Variants in ZNF786 observed in about 807,000 individuals in gnomAD.
The protein encoded by ZNF786 is zinc finger protein 786.
A neutral mutation model predicts 63.1 loss-of-function variants in ZNF786; 56 were observed. That is an observed-to-expected ratio of 0.89 (90% CI 0.72 to 1.11). The LOEUF (loss-of-function observed/expected upper bound fraction) is 1.11. ZNF786 is among the 50% of genes least tolerant of loss of function. The pLI is 0.00. For missense variants in ZNF786, 1,213 were observed against 1,041.8 expected (o/e 1.16, Z -2.26); for synonymous variants, 485 against 406.9 (o/e 1.19, Z -2.31).
intron 1 of ZNF786, among the ~76,000 whole-genome samples, chr7:149,084,491 T>C (rs545632916): frequency 6.6e-6 from 1 of 152,176 alleles, no homozygotes; most frequent in Non-Finnish European, 1.5e-5. Flanking sequence ...ACCTTGTTTT[T>C]AACTTTTTAA....
At chr7:149,087,322 T>G (rs959695854) in intron 1 of ZNF786, among the ~76,000 whole-genome samples, 10 of 152,208 alleles carry the variant, frequency 6.6e-5, no homozygotes, top group African/African-American at 2.4e-4. Context: ...ATTACAAAAT[T>G]TTGCATTTGC....
At position 149,074,488 on chromosome 7, in the gene ZNF786, C is replaced by T; in HGVS notation, c.196G>A (p.Glu66Lys). ...ELISWIEHGG[E>K]PFRKWRESQK... Reference sequence around the variant, plus strand: ...GATTCTCTCCATTTCCTGAAGGGCTCTCCCCCGTGTTCAATCCAGGATATT... The same window carrying T: ...GATTCTCTCCATTTCCTGAAGGGCTTTCCCCCGTGTTCAATCCAGGATATT... Residue 66 changes from glutamate to lysine, a missense_variant, in exon 3 of 4, where the codon GAG becomes AAG. Coordinates refer to ENST00000491431, the MANE Select transcript of ZNF786 (RefSeq NM_152411.4). The T allele has an allele frequency of 1.2e-6, 2 of 1,613,910 alleles. No individual in the cohort carries two copies. The highest frequency in any genetic ancestry group is 1.7e-6 in the Non-Finnish European group (2 of 1,179,870).
chr7:149,080,871 A>G (rs1387957783), intron 1 of ZNF786, among the ~76,000 whole-genome samples, 154 bp from the exon 2 acceptor site: 1 of 152,154 alleles, frequency 6.6e-6, no homozygotes, highest in Non-Finnish European at 1.5e-5. Context: ...CTCTACTCCA[A>G]TTACATCGTT....
At chr7:149,087,139 A>G (rs1001007104) in intron 1 of ZNF786, among the ~76,000 whole-genome samples, 1 of 152,198 alleles carries the variant, frequency 6.6e-6, no homozygotes, top group Non-Finnish European at 1.5e-5. Flanking sequence ...CACTGTGCCC[A>G]GCCGCAAATC....
intron 2 of ZNF786, among the ~76,000 whole-genome samples, chr7:149,079,952 T>C (rs1196859976): frequency 2.0e-5 from 3 of 148,322 alleles, no homozygotes. Flanking sequence ...GGTGGGTGGA[T>C]CACGAGGTCA....
At chr7:149,076,134 G>T (rs7811446) in intron 2 of ZNF786, among the ~76,000 whole-genome samples, 80,166 of 151,224 alleles carry the variant, frequency 0.53, 24,775 homozygotes, top group East Asian at 0.9. Flanking sequence ...TGTTTTTTTT[G>T]ACAAAGTTTC....
Position 149,071,177 on chromosome 7 carries a change from C to T in ZNF786, c.1595G>A (p.Ser532Asn). 1 of 1,611,544 alleles carries T rather than the reference C, an allele frequency of 6.2e-7. No homozygotes were observed. The highest frequency in any genetic ancestry group is 8.5e-7 in the Non-Finnish European group (1 of 1,178,936). Reference sequence around the variant, plus strand: ...CAGGCACTGGAAGGGCCTCTCCCCGCTGTGCACTCTCAGGTGCTCACGGAG... The same window carrying T: ...CAGGCACTGGAAGGGCCTCTCCCCGTTGTGCACTCTCAGGTGCTCACGGAG... ...CKLREHLRVH[S>N]GERPFQCLKC... Residue 532 changes from serine (S) to asparagine (N), a missense_variant, in exon 4 of 4, where the codon AGC (serine) becomes AAC (asparagine). Ser to Asn is a conservative substitution (Grantham distance 46). Coordinates refer to ENST00000491431, the MANE Select transcript of ZNF786 (RefSeq NM_152411.4).
At chr7:149,082,099 G>A (rs978759920) in intron 1 of ZNF786, among the ~76,000 whole-genome samples, 3 of 152,202 alleles carry the variant, frequency 2.0e-5, no homozygotes, top group South Asian at 2.1e-4. Context: ...CCAGGGTTGG[G>A]GGAGGGGCCT....
intron 2 of ZNF786, among the ~76,000 whole-genome samples, chr7:149,079,729 C>T (rs1055148533): frequency 6.7e-6 from 1 of 150,306 alleles, no homozygotes; most frequent in Non-Finnish European, 1.5e-5. Context: ...CGCTACCACG[C>T]CCAGCTAATT....
intron 1 of ZNF786, among the ~76,000 whole-genome samples, chr7:149,087,680 G>T (rs933360566): frequency 3.6e-4 from 55 of 152,224 alleles, no homozygotes; most frequent in African/African-American, 1.3e-3. Context: ...CACCTCCGGG[G>T]TCACAACTTT....
rs1268244201 is a variant in ZNF786, at chr7:149,074,544, C to A, written c.146-6G>T. The A allele has an allele frequency of 1.9e-6, 3 of 1,611,506 alleles. No homozygotes were observed. The highest frequency in any genetic ancestry group is 2.5e-6 in the Non-Finnish European group (3 of 1,179,072). ...TGGTTTTGGAAGTCCATCATCTGCA[C>A]AGAGAAGTCAGACAGGGTAGTTTGG... On this transcript the variant is annotated splice_region_variant and splice_polypyrimidine_tract_variant and intron_variant, in intron 2 of 3. Coordinates refer to ENST00000491431, the MANE Select transcript of ZNF786 (RefSeq NM_152411.4).
intron 1 of ZNF786, among the ~76,000 whole-genome samples, chr7:149,085,274 T>C (rs1825716977): frequency 6.6e-6 from 1 of 152,224 alleles, no homozygotes; most frequent in Admixed American, 6.6e-5. Context: ...CTATTTGGGC[T>C]CTTTTTTGGT....
chr7:149,089,767 G>A (rs1825800174), intron 1 of ZNF786, among the ~76,000 whole-genome samples: 1 of 152,058 alleles, frequency 6.6e-6, no homozygotes, highest in Non-Finnish European at 1.5e-5. Flanking sequence ...AGGCTGGAGT[G>A]CAATGGTGCA....
At position 149,090,664 on chromosome 7, in the gene ZNF786, C is replaced by A; in HGVS notation, c.-24G>T. ...ATGGTCCCCGCGGTCCCGCCCGGCC[C>A]TGGCAAACCCGACCGTCTCCGGCGG... On this transcript the variant is annotated 5_prime_UTR_variant, in exon 1 of 4. The change creates a new upstream start codon in the 5' untranslated region. Coordinates refer to ENST00000491431, the MANE Select transcript of ZNF786 (RefSeq NM_152411.4). 2 of 1,580,474 alleles carry A rather than the reference C, an allele frequency of 1.3e-6. No homozygotes were observed. The highest frequency in any genetic ancestry group is 2.4e-5 in the East Asian group (1 of 42,544).
chr7:149,075,654 G>GTTT (rs1563138018), intron 2 of ZNF786, among the ~76,000 whole-genome samples: 10 of 56,358 alleles, frequency 1.8e-4, no homozygotes, highest in South Asian at 9.9e-4. Flanking sequence ...ACACACTTCA[G>GTTT]GTTTTTTTTT....
intron 1 of ZNF786, 115 bp downstream of exon 1, chr7:149,090,508 C>T: frequency 8.4e-7 from 1 of 1,192,596 alleles, no homozygotes; most frequent in Non-Finnish European, 1.1e-6. Context: ...CTGCAGACTC[C>T]GTCCTACCCG....
rs1001772037 is a variant in ZNF786 at position 149,090,606 on chromosome 7, C to A, written c.18+17G>T. ...ACGACCCCGAAACCGGGCGTCCAAA[C>A]AGGCTAGCCCGCTTACCCGAGGCGG... On this transcript the variant is annotated intron_variant, in intron 1 of 3. Transcript: ENST00000491431. 1 of 1,573,150 alleles carries A rather than the reference C, an allele frequency of 6.4e-7. No homozygotes were observed. The highest frequency in any genetic ancestry group is 1.7e-5 in the Admixed American group (1 of 57,836).
chr7:149,087,311 T>G (rs1032438457), intron 1 of ZNF786, among the ~76,000 whole-genome samples: 1 of 152,048 alleles, frequency 6.6e-6, no homozygotes, highest in African/African-American at 2.4e-5. Flanking sequence ...GGAGACAATA[T>G]ATTACAAAAT....
chr7:149,074,240 T>G, intron 3 of ZNF786, 146 bp downstream of exon 3: 1 of 959,586 alleles, frequency 1.0e-6, no homozygotes, highest in Non-Finnish European at 1.5e-6. Flanking sequence ...GAACCCACAT[T>G]CCTAACCATT....
Sources: gnomAD v4.1 joint callset for allele counts (sites outside exome capture counted in the v4.1 genomes callset) on GRCh38, gnomAD v4.1.1 for gene constraint, MANE v1.5 for transcripts, NCBI Gene and HGNC (gene_info 2026-07-23, HGNC 2026-07-21) for gene names.